The following CFAP47 variants were observed in gnomAD, a reference collection of about 807,000 sequenced individuals.
The protein encoded by CFAP47 is cilia and flagella associated protein 47, also known as cilia- and flagella-associated protein 47.
A neutral mutation model predicts 148.1 loss-of-function variants in CFAP47; 29 were observed. That is an observed-to-expected ratio of 0.20 (90% CI 0.15 to 0.27). The LOEUF (loss-of-function observed/expected upper bound fraction) is 0.27, where lower values mean the gene tolerates loss of function less well. CFAP47 is among the 10% of genes least tolerant of loss of function. CFAP47 has a pLI of 1.00. For synonymous variants in CFAP47, 664 were observed against 577.3 expected (o/e 1.15, Z -2.15); for missense variants, 1,872 against 1,697.5 (o/e 1.10, Z -1.81).
intron 53 of CFAP47, among the ~76,000 whole-genome samples, chrX:36,303,386 T>A (rs1941317524): frequency 1.8e-5 from 2 of 110,797 alleles, no homozygotes. Context: ...GTTCTTACTG[T>A]ATTGCTCAGG....
At chrX:36,044,267 C>T (rs1937439571) in intron 25 of CFAP47, among the ~76,000 whole-genome samples, 1 of 112,913 alleles carries the variant, frequency 8.9e-6, no homozygotes, top group Admixed American at 9.3e-5. Context: ...TGTCTTGGCT[C>T]CTCATTATTT....
At chrX:36,314,120 C>T (rs930239194) in intron 56 of CFAP47, among the ~76,000 whole-genome samples, 4 of 111,017 alleles carry the variant, frequency 3.6e-5, no homozygotes, top group Non-Finnish European at 5.7e-5. Flanking sequence ...TAGAAATAGC[C>T]AAGACATTAG....
intron 57 of CFAP47, among the ~76,000 whole-genome samples, chrX:36,330,022 G>T (rs1189685348): frequency 8.9e-6 from 1 of 111,942 alleles, no homozygotes; most frequent in Non-Finnish European, 1.9e-5. Context: ...CAAAGCATTG[G>T]ATAAATCTAT....
chrX:36,129,391 C>G (rs996024085), intron 33 of CFAP47, among the ~76,000 whole-genome samples: 2 of 110,172 alleles, frequency 1.8e-5, no homozygotes, highest in Non-Finnish European at 3.8e-5. Flanking sequence ...TACTTAATTT[C>G]CAGTTTATTG....
At chrX:36,259,002 T>A (rs977530460) in intron 49 of CFAP47, among the ~76,000 whole-genome samples, 1 of 107,812 alleles carries the variant, frequency 9.3e-6, no homozygotes, top group East Asian at 2.8e-4. Flanking sequence ...GAATGTCGGG[T>A]TTTTTTGTTT....
rs1356247868 is a variant in CFAP47 at position 35,958,711 on chromosome X, G to A, written c.1410+2515G>A. Among the ~76,000 whole-genome samples the A allele has an allele frequency of 6.3e-5, 7 of 111,491 alleles. 1 individual carries two copies. The highest frequency in any genetic ancestry group is 5.7e-4 in the Admixed American group (6 of 10,471). On this transcript the variant is annotated intron_variant, in intron 8 of 63. Transcript: ENST00000378653. ...AAATATTTATGCATATCTATGATAG[G>A]CAGAATAATGGCCCCCTAAAATATC... is the stretch of plus-strand genomic sequence containing the variant.
At chrX:35,997,523 T>C in intron 19 of CFAP47, 134 bp downstream of exon 19, 1 of 224,377 alleles carries the variant, frequency 4.5e-6, no homozygotes, top group Non-Finnish European at 8.0e-6. Flanking sequence ...TATACAAAGT[T>C]AAAAATTAAT....
At chrX:35,955,856 C>T in intron 7 of CFAP47, 105 bp from the exon 8 acceptor site, 2 of 1,056,281 alleles carry the variant, frequency 1.9e-6, no homozygotes. Context: ...ATTGAATGAG[C>T]TACCCAATTT....
intron 57 of CFAP47, among the ~76,000 whole-genome samples, chrX:36,325,237 A>C (rs890153995): frequency 1.3e-4 from 14 of 111,805 alleles, no homozygotes; most frequent in Non-Finnish European, 2.6e-4. Flanking sequence ...TATTTTAATC[A>C]CTTTACAAAT....
chrX:36,067,655 G>A (rs1267422400), intron 27 of CFAP47, among the ~76,000 whole-genome samples: 1 of 101,953 alleles, frequency 9.8e-6, no homozygotes, highest in African/African-American at 4.2e-5. Context: ...GAATGGCCAC[G>A]GTGATTTTTT....
intron 49 of CFAP47, among the ~76,000 whole-genome samples, chrX:36,273,189 G>A (rs1556002144): frequency 9.0e-6 from 1 of 111,413 alleles, no homozygotes; most frequent in Non-Finnish European, 1.9e-5. Flanking sequence ...ATAAAATTAT[G>A]TTTTTCAGCC....
At chrX:36,202,972 T>A (rs1432533071) in intron 44 of CFAP47, among the ~76,000 whole-genome samples, 1 of 111,829 alleles carries the variant, frequency 8.9e-6, no homozygotes, top group Non-Finnish European at 1.9e-5. Flanking sequence ...TTCTTAAGAT[T>A]TATCTTCATT....
At chrX:36,041,925 CAAA>C (rs61099689) in intron 25 of CFAP47, among the ~76,000 whole-genome samples, 1,247 of 30,523 alleles carry the variant, frequency 0.041, 21 homozygotes, top group African/African-American at 0.11. Context: ...GACTCCATCT[CAAA>C]AAAAAAAAAA....
rs1034556152 is a variant in CFAP47, at chrX:36,143,951, T to C, written c.5536-1268T>C. On this transcript the variant is annotated intron_variant, in intron 35 of 63. Coordinates refer to ENST00000378653, the MANE Select transcript of CFAP47 (RefSeq NM_001304548.2). ...ACCCTGCCGTCTAAGACCTCCACAA[T>C]GTAGCCTGGCACTCCTTAGTCTTTT... is the stretch of plus-strand genomic sequence containing the variant. Among the ~76,000 whole-genome samples the C allele has an allele frequency of 3.6e-5, 4 of 111,224 alleles. No homozygotes were observed. The East Asian group carries it at 1.1e-3, about 32-fold the overall frequency.
intron 57 of CFAP47, among the ~76,000 whole-genome samples, chrX:36,343,906 A>G (rs1273372338): frequency 6.4e-5 from 7 of 109,674 alleles, no homozygotes; most frequent in Non-Finnish European, 1.1e-4. Flanking sequence ...GTTTACTGAG[A>G]ATGATGATTT....
intron 33 of CFAP47, among the ~76,000 whole-genome samples, chrX:36,105,679 T>C (rs1028795800): frequency 8.9e-6 from 1 of 112,120 alleles, no homozygotes; most frequent in Non-Finnish European, 1.9e-5. Context: ...TATAAAAATA[T>C]ATTTGCCCCA....
intron 3 of CFAP47, among the ~76,000 whole-genome samples, chrX:35,945,447 C>T (rs1345141137): frequency 9.0e-6 from 1 of 111,042 alleles, no homozygotes; most frequent in Non-Finnish European, 1.9e-5. Flanking sequence ...ACTGACTACT[C>T]CTAGATCTAT....
At chrX:36,066,784 G>A in intron 27 of CFAP47, among the ~76,000 whole-genome samples, 1 of 111,560 alleles carries the variant, frequency 9.0e-6, no homozygotes. Flanking sequence ...TTCCCAAAGA[G>A]CAAAAAGGGT....
At chrX:36,241,673 T>C (rs2146914190) in intron 48 of CFAP47, among the ~76,000 whole-genome samples, 1 of 111,735 alleles carries the variant, frequency 8.9e-6, no homozygotes, top group East Asian at 2.8e-4. Context: ...CCAATATCTT[T>C]GGCCAGCACT....
Sources: gnomAD v4.1 joint callset for allele counts (sites outside exome capture counted in the v4.1 genomes callset) on GRCh38, gnomAD v4.1.1 for gene constraint, MANE v1.5 for transcripts, NCBI Gene and HGNC (gene_info 2026-07-23, HGNC 2026-07-21) for gene names.